GRM5: variants seen among roughly 807,000 people sequenced by gnomAD.
The protein encoded by GRM5 is glutamate metabotropic receptor 5, also known as metabotropic glutamate receptor 5.
In GRM5, 19 loss-of-function variants were observed where a neutral mutation model predicts 83.1. That is an observed-to-expected ratio of 0.23 (90% CI 0.16 to 0.34). The LOEUF is 0.34. Ranked by LOEUF, GRM5 falls within the 10% of genes least tolerant of loss-of-function variation. The pLI, the probability that GRM5 is intolerant of heterozygous loss-of-function variation, is 1.00. For missense variants in GRM5, 1,160 were observed against 1,588.3 expected (o/e 0.73, Z 4.58); for synonymous variants, 675 against 633.6 (o/e 1.07, Z -0.98).
chr11:88,534,350 C>A (rs577565316), intron 8 of GRM5, among the ~76,000 whole-genome samples: 2 of 152,332 alleles, frequency 1.3e-5, no homozygotes, highest in Middle Eastern at 3.4e-3. Context: ...TTCAAAGCCA[C>A]ACAGGTGGAG....
Position 88,850,086 on chromosome 11 carries a change from T to C in GRM5, c.731A>G (p.His244Arg). Residue 244 changes from histidine to arginine, a missense_variant, in exon 3 of 10, where the codon CAC becomes CGC. His to Arg is a conservative substitution (Grantham distance 29). Around this residue, in one of 9 missense-constraint regions of GRM5, gnomAD observed 84 missense variants for 231.0 expected, o/e 0.36. Coordinates refer to ENST00000305447, the MANE Select transcript of GRM5 (RefSeq NM_001143831.3). ...MSAKEGICIA[H>R]SYKIYSNAGE... ...TGCATTACTGTAGATTTTGTAAGAGTGGGCGATGCAAATCCCTTCCTTCGC... is the reference window on the plus strand; with the variant it reads ...TGCATTACTGTAGATTTTGTAAGAGCGGGCGATGCAAATCCCTTCCTTCGC... 1.4e-6 allele frequency: 2 copies of C among 1,469,374 alleles called. No homozygotes were observed. Among genetic ancestry groups the C allele is most frequent in the Non-Finnish European group, 1.9e-6 (2 of 1,048,044 alleles). 91.0% of individuals were successfully genotyped at this position (1,469,374 alleles called of 1,614,324 possible). A position where few individuals can be genotyped will look rare whatever the true frequency, so the allele number is the denominator to read the frequency against.
At chr11:88,913,440 G>T (rs548023285) in intron 2 of GRM5, among the ~76,000 whole-genome samples, 22 of 152,024 alleles carry the variant, frequency 1.4e-4, no homozygotes, top group African/African-American at 5.1e-4. Context: ...GTAGAAGAGA[G>T]AATTCAGGGT....
In GRM5 at chr11:88,554,484, C is replaced by G. The variant is rs112817293; in HGVS notation, c.2630+12569G>C. Among the ~76,000 whole-genome samples the G allele has an allele frequency of 1.7e-3, 257 of 152,280 alleles. 4 individuals carry two copies. Among genetic ancestry groups the G allele is most frequent in the African/African-American group, 5.9e-3 (246 of 41,572 alleles). ...AGAGGACTTCCAGGTTGATATTATT[C>G]TATCCTATTACTTCCCTTGTTTTAT... is the stretch of plus-strand genomic sequence containing the variant. On this transcript the variant is annotated intron_variant, in intron 8 of 9. Coordinates refer to ENST00000305447, the MANE Select transcript of GRM5 (RefSeq NM_001143831.3).
chr11:88,944,367 G>T (rs1445138317), intron 2 of GRM5, among the ~76,000 whole-genome samples: 1 of 151,854 alleles, frequency 6.6e-6, no homozygotes, highest in Admixed American at 6.6e-5. Context: ...TTAAATAGTT[G>T]TTAAATTATT....
intron 3 of GRM5, among the ~76,000 whole-genome samples, chr11:88,831,260 G>A (rs1943988158): frequency 6.6e-6 from 1 of 152,184 alleles, no homozygotes; most frequent in South Asian, 2.1e-4. Context: ...CCAAGTACAA[G>A]CCATTGGCAG....
intron 2 of GRM5, among the ~76,000 whole-genome samples, chr11:88,991,364 G>A (rs1252787905): frequency 6.6e-6 from 1 of 151,868 alleles, no homozygotes; most frequent in African/African-American, 2.4e-5. Flanking sequence ...AATAAAAGAG[G>A]ATACAAACAA....
intron 2 of GRM5, among the ~76,000 whole-genome samples, chr11:88,855,494 A>C (rs570872090): frequency 6.6e-6 from 1 of 151,974 alleles, no homozygotes; most frequent in East Asian, 1.9e-4. Context: ...TATTTGTATA[A>C]TCTCTGTAAT....
At chr11:88,761,619 C>A (rs1591495665) in intron 3 of GRM5, among the ~76,000 whole-genome samples, 2 of 151,996 alleles carry the variant, frequency 1.3e-5, no homozygotes, top group Non-Finnish European at 2.9e-5. Flanking sequence ...TTAAAATGAC[C>A]AGACTGTCCA....
intron 2 of GRM5, among the ~76,000 whole-genome samples, chr11:88,944,095 A>G (rs184790902): frequency 6.6e-6 from 1 of 152,152 alleles, no homozygotes; most frequent in Admixed American, 6.6e-5. Flanking sequence ...CTTGAAGGAT[A>G]AGTTGGTTGT....
At chr11:88,908,809 G>C (rs1330385158) in intron 2 of GRM5, among the ~76,000 whole-genome samples, 1 of 152,060 alleles carries the variant, frequency 6.6e-6, no homozygotes, top group Admixed American at 6.6e-5. Context: ...ATATTAAACT[G>C]TTTGTTCAGA....
In GRM5 at chr11:88,756,105, T is replaced by C. The variant is rs377149933; in HGVS notation, c.911+93801A>G. On this transcript the variant is annotated intron_variant, in intron 3 of 9. Coordinates refer to ENST00000305447, the MANE Select transcript of GRM5 (RefSeq NM_001143831.3). ...TCTAGGGATTGGTGATCCATAAATT[T>C]TTGCCTCCAATAGACATGGAAACAG... 3.7e-4 allele frequency among the ~76,000 whole-genome samples: 56 copies of C among 152,288 alleles called. No individual in the cohort carries two copies. In the East Asian group the frequency reaches 4.6e-3, roughly 13 times the overall value.
chr11:88,823,538 G>C (rs1380619810), intron 3 of GRM5, among the ~76,000 whole-genome samples: 1 of 146,104 alleles, frequency 6.8e-6, no homozygotes, highest in Non-Finnish European at 1.5e-5. Flanking sequence ...AAAAAAAAAA[G>C]ACTAGAGACT....
chr11:88,603,820 G>C (rs1938068067), intron 5 of GRM5, among the ~76,000 whole-genome samples: 1 of 152,186 alleles, frequency 6.6e-6, no homozygotes. Context: ...AATTGTTGGG[G>C]ATTCATGAAA....
intron 2 of GRM5, among the ~76,000 whole-genome samples, chr11:88,985,522 A>G (rs906690461): frequency 1.3e-5 from 2 of 151,924 alleles, no homozygotes; most frequent in African/African-American, 4.8e-5. Flanking sequence ...GCTTCGGACT[A>G]TGTTTTAATA....
At chr11:88,587,011 G>T (rs143505101) in intron 7 of GRM5, among the ~76,000 whole-genome samples, 1 of 152,148 alleles carries the variant, frequency 6.6e-6, no homozygotes, top group African/African-American at 2.4e-5. Flanking sequence ...AGGTTGACAC[G>T]TATTTACCGA....
intron 3 of GRM5, among the ~76,000 whole-genome samples, chr11:88,658,415 A>T (rs1405375316): frequency 6.6e-6 from 1 of 152,178 alleles, no homozygotes; most frequent in Non-Finnish European, 1.5e-5. Context: ...GGTTTTTCCC[A>T]CGGAGAGGAG....
At chr11:88,983,936 AAAAAT>A (rs1446283548) in intron 2 of GRM5, among the ~76,000 whole-genome samples, 1 of 152,162 alleles carries the variant, frequency 6.6e-6, no homozygotes, top group Non-Finnish European at 1.5e-5. Context: ...CAAAAAGTTA[AAAAAT>A]AAAAACTTTT....
At chr11:88,992,595 T>C (rs1444461858) in intron 2 of GRM5, among the ~76,000 whole-genome samples, 1 of 151,734 alleles carries the variant, frequency 6.6e-6, no homozygotes, top group Non-Finnish European at 1.5e-5. Context: ...CTATTCACAA[T>C]AGCAAAGACT....
chr11:89,048,088 T>A lies in GRM5; in HGVS notation c.-200-16A>T, dbSNP rs1260248522. On this transcript the variant is annotated splice_polypyrimidine_tract_variant and intron_variant, in intron 1 of 9. Transcript: ENST00000305447. ...TCTTCTAAACCTGAAAAAAAAAAAA[T>A]AACATGGGTCTTTAACAAACATAAA... is the stretch of plus-strand genomic sequence containing the variant. 5 of 505,934 alleles carry A rather than the reference T, an allele frequency of 9.9e-6. No individual in the cohort carries two copies. The highest frequency in any genetic ancestry group is 1.7e-5 in the Non-Finnish European group (5 of 285,886). 31.3% of individuals were successfully genotyped at this position (505,934 alleles called of 1,614,324 possible).
Sources: allele counts gnomAD v4.1 joint callset (sites outside exome capture counted in the v4.1 genomes callset), GRCh38; gene constraint gnomAD v4.1.1; regional missense constraint gnomAD v4.1.1; transcripts MANE v1.5; gene names NCBI Gene and HGNC (gene_info 2026-07-23, HGNC 2026-07-21).